The following TSPAN18 variants were observed in gnomAD, a reference collection of about 807,000 sequenced individuals.
TSPAN18 encodes tetraspanin-18.
A neutral mutation model predicts 27.3 loss-of-function variants in TSPAN18; 14 were observed. That is an observed-to-expected ratio of 0.51 (90% CI 0.34 to 0.80). The LOEUF is 0.80. TSPAN18 is among the 30% of genes least tolerant of loss of function. The pLI is 0.01. For synonymous variants in TSPAN18, 143 were observed against 136.5 expected (o/e 1.05, Z -0.33); for missense variants, 268 against 323.9 (o/e 0.83, Z 1.32).
At chr11:44,848,163 T>A (rs970634303) in intron 2 of TSPAN18, among the ~76,000 whole-genome samples, 3 of 152,138 alleles carry the variant, frequency 2.0e-5, no homozygotes, top group African/African-American at 7.2e-5. Flanking sequence ...GAGGCTGTGT[T>A]AGGGAAGGCT....
chr11:44,789,351 T>G (rs556440979), intron 2 of TSPAN18, among the ~76,000 whole-genome samples: 2 of 152,314 alleles, frequency 1.3e-5, no homozygotes, highest in South Asian at 4.2e-4. Flanking sequence ...TTTGGAGCCT[T>G]TGGAAGAAAA....
chr11:44,797,458 T>C (rs1856375569), intron 2 of TSPAN18, among the ~76,000 whole-genome samples: 2 of 151,986 alleles, frequency 1.3e-5, no homozygotes, highest in Non-Finnish European at 2.9e-5. Flanking sequence ...ATAGATCTGG[T>C]GGGACTTTCT....
intron 8 of TSPAN18, among the ~76,000 whole-genome samples, chr11:44,925,468 C>T (rs1459207281): frequency 6.6e-6 from 1 of 152,198 alleles, no homozygotes; most frequent in Non-Finnish European, 1.5e-5. Flanking sequence ...CCTGGTCAGC[C>T]TCCAGGCAGG....
At chr11:44,853,981 T>A (rs1290233650) in intron 2 of TSPAN18, among the ~76,000 whole-genome samples, 1 of 152,192 alleles carries the variant, frequency 6.6e-6, no homozygotes, top group Non-Finnish European at 1.5e-5. Context: ...GGCCGGGTAA[T>A]TAGCAAACCC....
intron 6 of TSPAN18, among the ~76,000 whole-genome samples, chr11:44,918,392 G>C (rs1352890529): frequency 1.3e-5 from 2 of 152,188 alleles, no homozygotes; most frequent in Admixed American, 1.3e-4. Context: ...GCACAGGGCA[G>C]ACTGCTCTCG....
chr11:44,825,772 G>A (rs1267442498), intron 2 of TSPAN18, among the ~76,000 whole-genome samples: 2 of 152,260 alleles, frequency 1.3e-5, no homozygotes, highest in East Asian at 3.9e-4. Flanking sequence ...GCCATTTCAC[G>A]GATCCTCAGA....
intron 2 of TSPAN18, among the ~76,000 whole-genome samples, chr11:44,790,785 C>G (rs1032727181): frequency 6.6e-6 from 1 of 152,180 alleles, no homozygotes; most frequent in Non-Finnish European, 1.5e-5. Flanking sequence ...GCTTCCTCAT[C>G]TGAAAAGTGG....
intron 2 of TSPAN18, among the ~76,000 whole-genome samples, chr11:44,768,102 A>C (rs1002856753): frequency 6.6e-6 from 1 of 152,192 alleles, no homozygotes; most frequent in South Asian, 2.1e-4. Flanking sequence ...TGCTTCTCCA[A>C]ATAAACCTTA....
At chr11:44,746,350 C>T (rs531469213) in intron 1 of TSPAN18, among the ~76,000 whole-genome samples, 6 of 152,262 alleles carry the variant, frequency 3.9e-5, no homozygotes, top group African/African-American at 1.4e-4. Context: ...TGCTGGGGTT[C>T]AATCCTGACT....
At chr11:44,861,480 G>A (rs1857883837) in intron 3 of TSPAN18, among the ~76,000 whole-genome samples, 1 of 146,314 alleles carries the variant, frequency 6.8e-6, no homozygotes, top group Non-Finnish European at 1.5e-5. Context: ...GCTGGGCGGG[G>A]GGTCGGTGGT....
At chr11:44,793,865 G>A (rs1226818108) in intron 2 of TSPAN18, among the ~76,000 whole-genome samples, 1 of 152,222 alleles carries the variant, frequency 6.6e-6, no homozygotes, top group African/African-American at 2.4e-5. Context: ...TAAGTGTTCC[G>A]AACAGCACTG....
intron 2 of TSPAN18, among the ~76,000 whole-genome samples, chr11:44,844,998 C>T (rs1001374012): frequency 3.3e-5 from 5 of 152,142 alleles, no homozygotes; most frequent in African/African-American, 1.2e-4. Flanking sequence ...TTGGAATTAT[C>T]CTCAATGCCA....
intron 3 of TSPAN18, among the ~76,000 whole-genome samples, chr11:44,870,593 T>C (rs1858167500): frequency 1.3e-5 from 2 of 152,190 alleles, no homozygotes; most frequent in Admixed American, 1.3e-4. Context: ...CAGGAAATTC[T>C]CAGATCCTGA....
At chr11:44,756,426 C>T (rs1404338083) in intron 1 of TSPAN18, among the ~76,000 whole-genome samples, 1 of 151,890 alleles carries the variant, frequency 6.6e-6, no homozygotes, top group Non-Finnish European at 1.5e-5. Flanking sequence ...ATAAAATTTA[C>T]CATCTCGGCC....
At chr11:44,913,992 G>T (rs1859815755) in intron 5 of TSPAN18, among the ~76,000 whole-genome samples, 1 of 152,230 alleles carries the variant, frequency 6.6e-6, no homozygotes, top group South Asian at 2.1e-4. Flanking sequence ...ACTGCCATGG[G>T]CACCTCAGCC....
chr11:44,914,584 G>A (rs187589900), intron 5 of TSPAN18, among the ~76,000 whole-genome samples: 121 of 152,288 alleles, frequency 7.9e-4, no homozygotes, highest in South Asian at 4.8e-3. Context: ...ATAAGACCTC[G>A]GGGCTCCTGT....
At chr11:44,866,251 G>A (rs148168418) in intron 3 of TSPAN18, among the ~76,000 whole-genome samples, 4 of 152,326 alleles carry the variant, frequency 2.6e-5, no homozygotes, top group East Asian at 1.9e-4. Flanking sequence ...GAGGTGTGCC[G>A]TCTGCCTTTA....
intron 3 of TSPAN18, among the ~76,000 whole-genome samples, chr11:44,884,008 A>G (rs1452892795): frequency 2.6e-5 from 4 of 152,208 alleles, no homozygotes; most frequent in Non-Finnish European, 5.9e-5. Context: ...TCTTATTGCC[A>G]TCATCACCAT....
chr11:44,923,151 G>A (rs986460292), intron 8 of TSPAN18, among the ~76,000 whole-genome samples: 1 of 152,166 alleles, frequency 6.6e-6, no homozygotes, highest in Non-Finnish European at 1.5e-5. Context: ...CTGAGCAGAG[G>A]TGTCCAGTGG....
Sources: gnomAD v4.1 joint callset for allele counts (sites outside exome capture counted in the v4.1 genomes callset) on GRCh38, gnomAD v4.1.1 for gene constraint, MANE v1.5 for transcripts, NCBI Gene and HGNC (gene_info 2026-07-23, HGNC 2026-07-21) for gene names.